Variants in RNGTT observed in about 807,000 individuals in gnomAD.
RNGTT encodes the protein RNA guanylyltransferase and 5'-phosphatase.
Under a neutral mutation model 79.3 loss-of-function variants are expected in RNGTT, and 33 were observed. The ratio of observed to expected loss-of-function variants is 0.42; its 90% CI spans 0.32 to 0.56. The LOEUF (loss-of-function observed/expected upper bound fraction) is 0.56. RNGTT is among the 20% of genes least tolerant of loss of function. The pLI, the probability that RNGTT is intolerant of heterozygous loss-of-function variation, is 0.17. For synonymous variants in RNGTT, 222 were observed against 235.9 expected (o/e 0.94, Z 0.54); for missense variants, 497 against 739.1 (o/e 0.67, Z 3.80).
intron 1 of RNGTT, among the ~76,000 whole-genome samples, chr6:88,950,499 C>G (rs1191180121): frequency 6.6e-6 from 1 of 152,150 alleles, no homozygotes; most frequent in Non-Finnish European, 1.5e-5. Flanking sequence ...AAAGGATTCA[C>G]CATTCTAGAT....
intron 10 of RNGTT, among the ~76,000 whole-genome samples, chr6:88,846,988 T>C (rs972071051): frequency 3.3e-5 from 5 of 152,166 alleles, no homozygotes; most frequent in Admixed American, 2.0e-4. Flanking sequence ...TTTACATTTA[T>C]ATTTCATCAA....
chr6:88,905,023 CTTA>C, intron 5 of RNGTT, 68 bp from the exon 6 acceptor site: 1 of 1,554,628 alleles, frequency 6.4e-7, no homozygotes, highest in Middle Eastern at 1.7e-4. Flanking sequence ...CAAAAACTCA[CTTA>C]TTATATTCAA....
intron 13 of RNGTT, among the ~76,000 whole-genome samples, chr6:88,683,089 G>T (rs1183459626): frequency 1.3e-5 from 2 of 152,026 alleles, no homozygotes; most frequent in Non-Finnish European, 2.9e-5. Context: ...TTAGAAAAAT[G>T]ACAGTAACTG....
At chr6:88,874,095 T>C (rs1782438674) in intron 8 of RNGTT, among the ~76,000 whole-genome samples, 1 of 152,162 alleles carries the variant, frequency 6.6e-6, no homozygotes, top group South Asian at 2.1e-4. Context: ...AATGAGAATG[T>C]ACAGTGTCTT....
chr6:88,701,951 C>T (rs559153935), intron 13 of RNGTT, among the ~76,000 whole-genome samples: 2 of 152,120 alleles, frequency 1.3e-5, no homozygotes, highest in South Asian at 2.1e-4. Flanking sequence ...AGAACAAAAT[C>T]TCATTTACGA....
chr6:88,612,686 CT>C lies in RNGTT; in HGVS notation c.*32del. 1 of 1,572,346 alleles carries C rather than the reference CT, an allele frequency of 6.4e-7. No homozygotes were observed. The highest frequency in any genetic ancestry group is 8.6e-7 in the Non-Finnish European group (1 of 1,157,754). ...GCAACAGCGTTTTTTCCTCATTCCT[CT>C]TTCTTCTTAACCCTCAAGTCACAGG... is the stretch of plus-strand genomic sequence containing the variant. On this transcript the variant is annotated 3_prime_UTR_variant, in exon 16 of 16. Transcript: ENST00000369485.
chr6:88,936,460 A>C (rs1165816354), intron 2 of RNGTT, among the ~76,000 whole-genome samples: 1 of 152,222 alleles, frequency 6.6e-6, no homozygotes, highest in Non-Finnish European at 1.5e-5. Flanking sequence ...TCTAATTCTC[A>C]GGGCAAAAGC....
At chr6:88,664,129 G>T (rs1302007482) in intron 14 of RNGTT, among the ~76,000 whole-genome samples, 1 of 152,072 alleles carries the variant, frequency 6.6e-6, no homozygotes, top group African/African-American at 2.4e-5. Context: ...ACCCTTAATA[G>T]GATCCAAACG....
At chr6:88,829,804 T>C (rs533460553) in intron 11 of RNGTT, among the ~76,000 whole-genome samples, 18 of 150,442 alleles carry the variant, frequency 1.2e-4, no homozygotes, top group African/African-American at 3.9e-4. Context: ...GGGCATTACA[T>C]AATGGTAAAG....
At chr6:88,960,724 A>G (rs984152811) in intron 1 of RNGTT, among the ~76,000 whole-genome samples, 6 of 152,238 alleles carry the variant, frequency 3.9e-5, no homozygotes, top group African/African-American at 1.4e-4. Context: ...CCTGTCTCCA[A>G]GAGCTCTCTC....
At chr6:88,713,195 T>A (rs1337829908) in intron 13 of RNGTT, among the ~76,000 whole-genome samples, 1 of 152,138 alleles carries the variant, frequency 6.6e-6, no homozygotes, top group Admixed American at 6.5e-5. Context: ...GATTAATGCC[T>A]TTATATGAGA....
chr6:88,963,131 T>C (rs2127969357), intron 1 of RNGTT, among the ~76,000 whole-genome samples: 1 of 152,270 alleles, frequency 6.6e-6, no homozygotes, highest in African/African-American at 2.4e-5. Context: ...TTCGCACAGT[T>C]AGCCTTGCAG....
intron 8 of RNGTT, among the ~76,000 whole-genome samples, chr6:88,873,620 A>G (rs1192822530): frequency 6.6e-6 from 1 of 152,168 alleles, no homozygotes; most frequent in African/African-American, 2.4e-5. Flanking sequence ...CCAAAATGTA[A>G]GCAGCAACCA....
chr6:88,716,475 C>T (rs1211325708), intron 13 of RNGTT, among the ~76,000 whole-genome samples: 3 of 152,112 alleles, frequency 2.0e-5, no homozygotes, highest in Non-Finnish European at 4.4e-5. Context: ...GGGTACATAC[C>T]CAAATGACTA....
At chr6:88,678,184 G>C in intron 14 of RNGTT, 169 bp downstream of exon 14, 1 of 1,254,232 alleles carries the variant, frequency 8.0e-7, no homozygotes, top group African/African-American at 1.5e-5. Context: ...TGTAGAGACA[G>C]GGTTCCCAGC....
At chr6:88,667,165 T>A (rs530581842) in intron 14 of RNGTT, among the ~76,000 whole-genome samples, 11 of 152,240 alleles carry the variant, frequency 7.2e-5, no homozygotes, top group African/African-American at 2.6e-4. Flanking sequence ...CTCTGCTCTC[T>A]CAGGCACCGC....
intron 8 of RNGTT, among the ~76,000 whole-genome samples, chr6:88,865,654 G>C (rs1207791630): frequency 6.6e-6 from 1 of 152,086 alleles, no homozygotes; most frequent in Non-Finnish European, 1.5e-5. Context: ...CACTGAATGA[G>C]CGATAACTCA....
At chr6:88,756,644 T>C (rs979087628) in intron 13 of RNGTT, among the ~76,000 whole-genome samples, 2 of 152,200 alleles carry the variant, frequency 1.3e-5, no homozygotes, top group African/African-American at 4.8e-5. Context: ...AGTAAAGGAA[T>C]TTTTCCAATG....
intron 14 of RNGTT, among the ~76,000 whole-genome samples, chr6:88,637,167 C>T (rs1773130578): frequency 6.6e-6 from 1 of 151,980 alleles, no homozygotes; most frequent in Non-Finnish European, 1.5e-5. Flanking sequence ...TTATTCTGCA[C>T]TCAATTTATG....
Sources: gnomAD v4.1 joint callset for allele counts (sites outside exome capture counted in the v4.1 genomes callset) on GRCh38, gnomAD v4.1.1 for gene constraint, MANE v1.5 for transcripts, NCBI Gene and HGNC (gene_info 2026-07-23, HGNC 2026-07-21) for gene names.